The following FSTL5 variants were observed in gnomAD, a reference collection of about 807,000 sequenced individuals.
FSTL5 encodes the protein follistatin like 5, also known as follistatin-related protein 5.
Under a neutral mutation model 89.1 loss-of-function variants are expected in FSTL5, and 62 were observed. The observed-to-expected ratio is 0.70, with a 90% CI of 0.57 to 0.86. FSTL5 has a LOEUF of 0.86. FSTL5 is among the 40% of genes least tolerant of loss of function. The pLI is 0.00. For missense variants in FSTL5, 1,057 were observed against 1,001.6 expected (o/e 1.06, Z -0.75); for synonymous variants, 383 against 346.2 (o/e 1.11, Z -1.18).
At chr4:161,832,247 G>A (rs1396362884) in intron 4 of FSTL5, among the ~76,000 whole-genome samples, 1 of 152,060 alleles carries the variant, frequency 6.6e-6, no homozygotes, top group East Asian at 1.9e-4. Context: ...CCAAACGAAT[G>A]AGCTGTACAA....
intron 12 of FSTL5, among the ~76,000 whole-genome samples, chr4:161,485,728 CAT>C (rs1440160304): frequency 6.6e-6 from 1 of 151,988 alleles, no homozygotes; most frequent in Non-Finnish European, 1.5e-5. Flanking sequence ...ATATTCCAAA[CAT>C]ATATTGAACA....
chr4:162,092,220 C>A (rs1161768196), intron 2 of FSTL5, among the ~76,000 whole-genome samples: 1 of 152,202 alleles, frequency 6.6e-6, no homozygotes, highest in Admixed American at 6.5e-5. Flanking sequence ...TACCAGGCAT[C>A]TGCATGTTTA....
At chr4:161,655,136 T>A (rs1736471722) in intron 7 of FSTL5, among the ~76,000 whole-genome samples, 1 of 152,156 alleles carries the variant, frequency 6.6e-6, no homozygotes, top group South Asian at 2.1e-4. Flanking sequence ...GTCTTTTGAT[T>A]TTTCACAAGC....
chr4:161,828,043 C>T (rs1037153597), intron 4 of FSTL5, among the ~76,000 whole-genome samples: 4 of 152,084 alleles, frequency 2.6e-5, no homozygotes, highest in East Asian at 1.9e-4. Flanking sequence ...GGACTTTTCC[C>T]GGTTCCTCTG....
In FSTL5 at chr4:161,551,339, G is replaced by C. The variant is rs11734737; in HGVS notation, c.1016-8646C>G. ...TTGCATTTCTCTGATGGCCAGTGAT[G>C]ATGAGCATTTTTTCATGTGTTTTTT... is the stretch of plus-strand genomic sequence containing the variant. On this transcript the variant is annotated intron_variant, in intron 8 of 15. Transcript: ENST00000306100. 6.7e-3 allele frequency among the ~76,000 whole-genome samples: 1,012 copies of C among 150,762 alleles called. 9 individuals are homozygous for C. Among genetic ancestry groups the C allele is most frequent in the Non-Finnish European group, 0.011 (711 of 67,680 alleles).
intron 6 of FSTL5, among the ~76,000 whole-genome samples, chr4:161,718,883 A>G (rs1229321192): frequency 2.7e-4 from 41 of 152,356 alleles, no homozygotes. Flanking sequence ...GAATCATCGT[A>G]TACTTATTTT....
At chr4:161,848,568 T>C (rs1193431913) in intron 4 of FSTL5, among the ~76,000 whole-genome samples, 1 of 152,218 alleles carries the variant, frequency 6.6e-6, no homozygotes, top group East Asian at 1.9e-4. Context: ...ATTTGCATAT[T>C]ATATGTAGCA....
rs539947381 is a variant in FSTL5 at position 161,996,889 on chromosome 4, C to T, written c.160+36736G>A. Among the ~76,000 whole-genome samples the T allele has an allele frequency of 2.0e-5, 3 of 152,232 alleles. No homozygotes were observed. In the East Asian group the frequency reaches 5.8e-4, roughly 29 times the overall value. ...TTTAAAGCTGCAAAACTCATTCTCTCGGGATAGATGTTATGACAGGGAAAT... is the reference window on the plus strand; with the variant it reads ...TTTAAAGCTGCAAAACTCATTCTCTTGGGATAGATGTTATGACAGGGAAAT... On this transcript the variant is annotated intron_variant, in intron 3 of 15. Coordinates refer to ENST00000306100, the MANE Select transcript of FSTL5 (RefSeq NM_020116.5).
intron 15 of FSTL5, among the ~76,000 whole-genome samples, chr4:161,444,858 A>T (rs1732892769): frequency 1.3e-5 from 2 of 151,940 alleles, no homozygotes; most frequent in African/African-American, 2.4e-5. Flanking sequence ...GACTGAACTG[A>T]GTTTATAGCT....
chr4:161,612,998 A>G (rs1287926070), intron 7 of FSTL5, among the ~76,000 whole-genome samples: 2 of 152,192 alleles, frequency 1.3e-5, no homozygotes, highest in African/African-American at 4.8e-5. Flanking sequence ...CTGGAATTCA[A>G]ACAAGCTTGG....
chr4:162,013,557 G>C (rs1736830177), intron 3 of FSTL5, among the ~76,000 whole-genome samples: 1 of 152,086 alleles, frequency 6.6e-6, no homozygotes, highest in Middle Eastern at 3.2e-3. Context: ...ATTTGGGAAG[G>C]AAAAAATAGA....
At chr4:161,496,387 A>C (rs1341645198) in intron 12 of FSTL5, among the ~76,000 whole-genome samples, 1 of 152,112 alleles carries the variant, frequency 6.6e-6, no homozygotes, top group Non-Finnish European at 1.5e-5. Context: ...GATGCTTGTG[A>C]GGTGATTAGC....
chr4:161,387,729 C>T (rs1340189560), intron 15 of FSTL5: 3 of 151,846 alleles, frequency 2.0e-5, no homozygotes, highest in African/African-American at 7.3e-5. Context: ...AAAGGGAGTG[C>T]CTACACACAG....
intron 2 of FSTL5, among the ~76,000 whole-genome samples, chr4:162,034,260 T>G (rs955217304): frequency 2.6e-5 from 4 of 152,192 alleles, no homozygotes; most frequent in Non-Finnish European, 4.4e-5. Flanking sequence ...CCATTCCATT[T>G]AATTCTAACA....
intron 3 of FSTL5, among the ~76,000 whole-genome samples, chr4:162,024,165 A>T (rs557098730): frequency 1.3e-5 from 2 of 152,298 alleles, no homozygotes; most frequent in East Asian, 3.9e-4. Flanking sequence ...ATTCACTAAC[A>T]CTTCTAAAGC....
intron 3 of FSTL5, among the ~76,000 whole-genome samples, chr4:161,923,346 T>C (rs938006182): frequency 1.3e-5 from 2 of 151,862 alleles, no homozygotes; most frequent in Admixed American, 1.3e-4. Context: ...TTATATCAAT[T>C]ATTACTATAA....
intron 10 of FSTL5, among the ~76,000 whole-genome samples, chr4:161,529,714 T>C (rs1731346510): frequency 7.0e-6 from 1 of 142,552 alleles, no homozygotes; most frequent in Non-Finnish European, 1.5e-5. Flanking sequence ...TTTTATTTGG[T>C]TCTATTTGAC....
chr4:161,852,003 T>C (rs1289929184), intron 4 of FSTL5, among the ~76,000 whole-genome samples: 5 of 152,056 alleles, frequency 3.3e-5, no homozygotes, highest in Non-Finnish European at 7.4e-5. Context: ...TTGGTTGCTT[T>C]TGTAAGTCAT....
intron 15 of FSTL5, among the ~76,000 whole-genome samples, chr4:161,414,076 G>C (rs2110945412): frequency 6.6e-6 from 1 of 151,948 alleles, no homozygotes; most frequent in South Asian, 2.1e-4. Context: ...ATAAAACGTT[G>C]AAATAAAAAT....
Sources: gnomAD v4.1 joint callset for allele counts (sites outside exome capture counted in the v4.1 genomes callset) on GRCh38, gnomAD v4.1.1 for gene constraint, MANE v1.5 for transcripts, NCBI Gene and HGNC (gene_info 2026-07-23, HGNC 2026-07-21) for gene names.